Variants in GINM1 observed in about 807,000 individuals in gnomAD.
The protein encoded by GINM1 is glycosylated integral membrane protein 1.
A neutral mutation model predicts 37.8 loss-of-function variants in GINM1; 29 were observed. The ratio of observed to expected loss-of-function variants is 0.77; its 90% confidence interval spans 0.57 to 1.05. The LOEUF is 1.05. GINM1 is among the 50% of genes least tolerant of loss of function. The pLI is 0.00. For missense variants in GINM1, 377 were observed against 397.9 expected (o/e 0.95, Z 0.45); for synonymous variants, 143 against 146.2 (o/e 0.98, Z 0.16).
chr6:149,584,244 A>G (rs1778040067), intron 7 of GINM1, among the ~76,000 whole-genome samples: 1 of 152,128 alleles, frequency 6.6e-6, no homozygotes, highest in South Asian at 2.1e-4. Flanking sequence ...CGGCCTCCCA[A>G]AATGCTGGGA....
intron 1 of GINM1, among the ~76,000 whole-genome samples, chr6:149,570,139 TA>T (rs1777790005): frequency 2.5e-3 from 7 of 2,792 alleles, no homozygotes; most frequent in Non-Finnish European, 6.5e-3. Context: ...GTAGGTTTTA[TA>T]TATATATATA....
In GINM1 at chr6:149,566,624, C is replaced by T. The variant is rs1043323569; in HGVS notation, c.120+90C>T. ...CACAGTGACGCTTCCCACATCCCAC[C>T]GGCGGGCAGGGGCGGGGGTCCGGGC... On this transcript the variant is annotated intron_variant, in intron 1 of 7. Transcript: ENST00000367419. The surrounding 1 kb of genome is among the most constrained non-coding windows in gnomAD (Gnocchi z 4.4). The T allele has an allele frequency of 2.2e-6, 3 of 1,366,742 alleles. No homozygotes were observed. Among genetic ancestry groups the T allele is most frequent in the Admixed American group, 3.3e-5 (1 of 30,606 alleles). The allele number at this position is 1,366,742 out of a possible 1,614,324, so 84.7% of individuals were successfully genotyped here.
At chr6:149,590,611 C>G in intron 7 of GINM1, 116 bp from the exon 8 acceptor site, 1 of 579,098 alleles carries the variant, frequency 1.7e-6, no homozygotes, top group Non-Finnish European at 3.0e-6. Flanking sequence ...TAGAATGTAG[C>G]AAAAGCACCT....
Position 149,590,880 on chromosome 6 carries a change from T to G in GINM1, c.*42T>G. On this transcript the variant is annotated 3_prime_UTR_variant, in exon 8 of 8. Transcript: ENST00000367419. ...ATGGACTCCGAAGTAGCCTGTTGCC[T>G]CCAAATTTGCCACTTGAATATAATT... 1.1e-6 allele frequency: 1 copy of G among 899,440 alleles called. No individual in the cohort carries two copies. The highest frequency in any genetic ancestry group is 1.8e-6 in the Non-Finnish European group (1 of 553,270). The allele number at this position is 899,440 out of a possible 1,614,324, so 55.7% of individuals were successfully genotyped here.
intron 4 of GINM1, 44 bp downstream of exon 4, chr6:149,579,017 A>C: frequency 8.8e-6 from 11 of 1,257,056 alleles, no homozygotes; most frequent in South Asian, 1.3e-5. Context: ...TGATATTTAG[A>C]TTTGTGCTAG....
rs371810264 is a variant in GINM1 at position 149,576,624 on chromosome 6, C to T, written c.278-2198C>T. On this transcript the variant is annotated intron_variant, in intron 3 of 7. Coordinates refer to ENST00000367419, the MANE Select transcript of GINM1 (RefSeq NM_138785.5). ...AAAGAAAAAAAAATCATTCATAGAT[C>T]GATAGATAGATAGGTAACTAACTGA... Among the ~76,000 whole-genome samples, 10 of 152,036 alleles carry T rather than the reference C, an allele frequency of 6.6e-5. No individual in the cohort carries two copies. In the East Asian group the frequency reaches 1.5e-3, roughly 24 times the overall value.
At chr6:149,581,674 A>G (rs1288838816) in intron 6 of GINM1, among the ~76,000 whole-genome samples, 1 of 152,218 alleles carries the variant, frequency 6.6e-6, no homozygotes, top group African/African-American at 2.4e-5. Flanking sequence ...TGACATTTAT[A>G]CTGCTTACCA....
chr6:149,582,141 C>T, intron 6 of GINM1: 1 of 502,846 alleles, frequency 2.0e-6, no homozygotes, highest in South Asian at 1.6e-5. Flanking sequence ...CAATTATTTT[C>T]ACTTGATTTG....
chr6:149,578,902 C>A lies in GINM1; in HGVS notation c.358C>A (p.Pro120Thr). The change falls in exon 4 of 8, where the codon CCT (proline) becomes ACT (threonine). Residue 120 changes from proline to threonine, a missense_variant. Pro to Thr is a conservative substitution (Grantham distance 38). Transcript: ENST00000367419. ...TGTAAGGATTTTAGTTCATGAGTGGCCTATGACATCTGGTTCCAGTTTGCA... is the reference window on the plus strand; with the variant it reads ...TGTAAGGATTTTAGTTCATGAGTGGACTATGACATCTGGTTCCAGTTTGCA... ...VSVRILVHEWPMTSGSSLQLI... is the reference protein window; with the variant it reads ...VSVRILVHEWTMTSGSSLQLI... 6.2e-7 allele frequency: 1 copy of A among 1,602,076 alleles called. No individual in the cohort carries two copies. The highest frequency in any genetic ancestry group is 8.5e-7 in the Non-Finnish European group (1 of 1,169,994).
intron 1 of GINM1, among the ~76,000 whole-genome samples, chr6:149,568,439 C>T (rs1777755793): frequency 6.6e-6 from 1 of 152,278 alleles, no homozygotes; most frequent in African/African-American, 2.4e-5. Context: ...TCCAGTAGAA[C>T]TTTCTGCCTT....
Position 149,588,087 on chromosome 6 carries a change from G to A in GINM1, c.882-2640G>A, listed in dbSNP as rs1412477753. The stretch of plus-strand genomic sequence containing the variant: ...TCATGTTAATCCCAATAATGTTCTA[G>A]TATACATCCTTGCACATATATTTCT... On this transcript the variant is annotated intron_variant, in intron 7 of 7. Coordinates refer to ENST00000367419, the MANE Select transcript of GINM1 (RefSeq NM_138785.5). Among the ~76,000 whole-genome samples the A allele has an allele frequency of 2.6e-5, 4 of 152,080 alleles. No individual in the cohort carries two copies. In the East Asian group the frequency reaches 7.7e-4, roughly 29 times the overall value.
chr6:149,590,777 A>T lies in GINM1; in HGVS notation c.932A>T (p.Asn311Ile). ...KVDVIPVTAINLYPDGPEKRA... is the reference protein window; with the variant it reads ...KVDVIPVTAIILYPDGPEKRA... ...GACGTCATACCTGTGACAGCTATCA[A>T]CTTATATCCAGATGGTCCAGAGAAA... is the stretch of plus-strand genomic sequence containing the variant. Residue 311 changes from asparagine (N) to isoleucine (I), a missense_variant, in exon 8 of 8, where the codon AAC becomes ATC. Physicochemically the swap from Asn to Ile is moderately radical, Grantham distance 149 (BLOSUM62 -3). Transcript: ENST00000367419. The T allele has an allele frequency of 6.2e-7, 1 of 1,606,318 alleles. No homozygotes were observed. Among genetic ancestry groups the T allele is most frequent in the South Asian group, 1.1e-5 (1 of 90,780 alleles).
rs1777721234 is a variant in GINM1, at chr6:149,566,576, C to G, written c.120+42C>G. ...CTGGCTGGCCGCTTTACGACTCCGA[C>G]TCTCCGGGAGGCCCGGGCTGTCCAC... is the stretch of plus-strand genomic sequence containing the variant. On this transcript the variant is annotated intron_variant, in intron 1 of 7. Coordinates refer to ENST00000367419, the MANE Select transcript of GINM1 (RefSeq NM_138785.5). This position sits in a 1 kb window ranked among gnomAD's most constrained non-coding sequence, Gnocchi z 4.4. The G allele has an allele frequency of 6.9e-6, 10 of 1,454,332 alleles. 1 individual carries two copies. In the South Asian group the frequency reaches 1.3e-4, roughly 19 times the overall value. 90.1% of individuals were successfully genotyped at this position (1,454,332 alleles called of 1,614,324 possible).
rs764068308 is a variant in GINM1 at position 149,590,703 on chromosome 6, GTAAT to G, written c.882-19_882-16del. On this transcript the variant is annotated intron_variant, in intron 7 of 7. Coordinates refer to ENST00000367419, the MANE Select transcript of GINM1 (RefSeq NM_138785.5). Reference sequence around the variant, plus strand: ...GCAGAGGAAACATTTAATTTTGATAGTAATTAATCACTTTCTATTTCAGAGGAAT... The same window carrying G: ...GCAGAGGAAACATTTAATTTTGATAGTAATCACTTTCTATTTCAGAGGAAT... 2.6e-6 allele frequency: 3 copies of G among 1,174,180 alleles called. No individual in the cohort carries two copies. Among genetic ancestry groups the G allele is most frequent in the Non-Finnish European group, 2.5e-6 (2 of 789,888 alleles). The allele number at this position is 1,174,180 out of a possible 1,614,324, so 72.7% of individuals were successfully genotyped here.
intron 1 of GINM1, among the ~76,000 whole-genome samples, chr6:149,568,465 T>C (rs1027700806): frequency 4.6e-5 from 7 of 152,266 alleles, no homozygotes; most frequent in Non-Finnish European, 7.3e-5. Flanking sequence ...TTATGTCTTT[T>C]CTCACCTTGT....
rs1483268064 is a variant in GINM1 at position 149,566,572 on chromosome 6, C to T, written c.120+38C>T. The T allele has an allele frequency of 2.1e-6, 3 of 1,456,998 alleles. No homozygotes were observed. The highest frequency in any genetic ancestry group is 1.8e-6 in the Non-Finnish European group (2 of 1,105,910). The allele number at this position is 1,456,998 out of a possible 1,614,324, so 90.3% of individuals were successfully genotyped here. ...GGGCCTGGCTGGCCGCTTTACGACT[C>T]CGACTCTCCGGGAGGCCCGGGCTGT... On this transcript the variant is annotated intron_variant, in intron 1 of 7. Coordinates refer to ENST00000367419, the MANE Select transcript of GINM1 (RefSeq NM_138785.5). This position sits in a 1 kb window ranked among gnomAD's most constrained non-coding sequence, Gnocchi z 4.4.
rs575441267 is a variant in GINM1, at chr6:149,579,559, G to A, written c.430-275G>A. ...AATACAAAGTTAGCTGGGCATGGTGGCGCATGCCTGTAATCCTAGCTACTC... is the reference window on the plus strand; with the variant it reads ...AATACAAAGTTAGCTGGGCATGGTGACGCATGCCTGTAATCCTAGCTACTC... On this transcript the variant is annotated intron_variant, in intron 4 of 7. Transcript: ENST00000367419. 6.2e-4 allele frequency among the ~76,000 whole-genome samples: 94 copies of A among 152,250 alleles called. 1 individual carries two copies. In the South Asian group the frequency reaches 6.6e-3, roughly 11 times the overall value.
Position 149,572,490 on chromosome 6 carries a change from T to C in GINM1, c.181-17T>C, listed in dbSNP as rs778795413. ...TTATAAATATTGGAATTAATGTATA[T>C]GCTGCTTTATTTTAAGGTTGTTCTT... On this transcript the variant is annotated splice_polypyrimidine_tract_variant and intron_variant, in intron 2 of 7. Transcript: ENST00000367419. 6.9e-7 allele frequency: 1 copy of C among 1,448,172 alleles called. No homozygotes were observed. The highest frequency in any genetic ancestry group is 2.0e-5 in the Admixed American group (1 of 50,724). The allele number at this position is 1,448,172 out of a possible 1,614,324, so 89.7% of individuals were successfully genotyped here.
chr6:149,590,590 G>C (rs1778139710), intron 7 of GINM1, 137 bp from the exon 8 acceptor site: 1 of 562,772 alleles, frequency 1.8e-6, no homozygotes, highest in Non-Finnish European at 3.1e-6. Flanking sequence ...CAACCACTAT[G>C]AATTTTTAAA....
Sources: gnomAD v4.1 joint callset for allele counts (sites outside exome capture counted in the v4.1 genomes callset) on GRCh38, gnomAD v4.1.1 for gene constraint, Gnocchi (gnomAD v3.1) non-coding constraint, MANE v1.5 for transcripts, NCBI Gene and HGNC (gene_info 2026-07-23, HGNC 2026-07-21) for gene names.